Variants in ABCA8 observed in about 807,000 individuals in gnomAD.
ABCA8 encodes ABC-type organic anion transporter ABCA8.
ABCA8 carries 177 observed loss-of-function variants against 192.3 expected under a neutral mutation model. The ratio of observed to expected loss-of-function variants is 0.92; its 90% CI spans 0.81 to 1.04. ABCA8 has a LOEUF of 1.04. ABCA8 is among the 50% of genes least tolerant of loss of function. ABCA8 has a pLI of 0.00. For missense variants in ABCA8, 1,915 were observed against 1,904.8 expected, an observed-to-expected ratio of 1.01 and a Z score of -0.10; for synonymous variants, 642 against 690.2, an observed-to-expected ratio of 0.93 and a Z score of 1.09.
At chr17:68,901,917 C>A (rs80000154) in intron 21 of ABCA8, among the ~76,000 whole-genome samples, 1 of 151,758 alleles carries the variant, frequency 6.6e-6, no homozygotes, top group Non-Finnish European at 1.5e-5. Context: ...ATAGTTACCA[C>A]GTGACCCAAC....
chr17:68,898,860 GTTA>G (rs1034191355), intron 21 of ABCA8, among the ~76,000 whole-genome samples: 9 of 151,956 alleles, frequency 5.9e-5, no homozygotes, highest in Non-Finnish European at 8.8e-5. Flanking sequence ...CCATTTTGAT[GTTA>G]TTATTACACA....
chr17:68,917,544 T>C, intron 16 of ABCA8, 93 bp from the exon 17 acceptor site: 1 of 829,606 alleles, frequency 1.2e-6, no homozygotes, highest in Non-Finnish European at 1.9e-6. Context: ...TAATCAAACT[T>C]TAATTCAGGA....
At chr17:68,919,833 G>A (rs977002462) in intron 13 of ABCA8, 1 of 162,748 alleles carries the variant, frequency 6.1e-6, no homozygotes, top group African/African-American at 2.4e-5. Context: ...CCTTCTGAAA[G>A]ATATATTTCC....
intron 27 of ABCA8, 58 bp downstream of exon 27, chr17:68,885,138 A>G: frequency 6.5e-7 from 1 of 1,549,750 alleles, no homozygotes; most frequent in Non-Finnish European, 8.7e-7. Flanking sequence ...ACATTGGGCA[A>G]AGCTTCACAA....
intron 9 of ABCA8, among the ~76,000 whole-genome samples, chr17:68,928,485 A>G (rs1217849398): frequency 6.6e-6 from 1 of 152,222 alleles, no homozygotes; most frequent in African/African-American, 2.4e-5. Flanking sequence ...CTTGTCTATG[A>G]TGTTCAAGTT....
At chr17:68,920,393 A>G (rs2067501294) in intron 13 of ABCA8, among the ~76,000 whole-genome samples, 1 of 151,886 alleles carries the variant, frequency 6.6e-6, no homozygotes, top group South Asian at 2.1e-4. Context: ...GCACCCCCAA[A>G]CCTAAAATAA....
intron 22 of ABCA8, 51 bp downstream of exon 22, chr17:68,894,829 A>G: frequency 6.4e-7 from 1 of 1,554,712 alleles, no homozygotes; most frequent in African/African-American, 1.4e-5. Flanking sequence ...GTATATTGAT[A>G]TTATGTTAGC....
In ABCA8 at chr17:68,953,584, G is replaced by C. The variant is rs142954465; in HGVS notation, c.-167+1635C>G. Among the ~76,000 whole-genome samples the C allele has an allele frequency of 2.0e-3, 308 of 152,274 alleles. 2 individuals carry two copies. The highest frequency in any genetic ancestry group is 7.1e-3 in the African/African-American group (297 of 41,554). Reference sequence around the variant, plus strand: ...GGCTGAGGGGCAGGCCTAAGTGGAAGCAGACCAAGTAAAGAGGTCAGAGAG... The same window carrying C: ...GGCTGAGGGGCAGGCCTAAGTGGAACCAGACCAAGTAAAGAGGTCAGAGAG... On this transcript the variant is annotated intron_variant, in intron 1 of 39. Coordinates refer to ENST00000586539, the MANE Select transcript of ABCA8 (RefSeq NM_001288985.2).
At chr17:68,922,373 T>A in intron 11 of ABCA8, 73 bp from the exon 12 acceptor site, 1 of 1,040,660 alleles carries the variant, frequency 9.6e-7, no homozygotes. Flanking sequence ...TAGACAGGAT[T>A]GGATAAATCT....
chr17:68,947,109 A>G (rs1230040223), intron 2 of ABCA8, among the ~76,000 whole-genome samples: 2 of 152,248 alleles, frequency 1.3e-5, no homozygotes, highest in African/African-American at 4.8e-5. Flanking sequence ...GACAAGTTTC[A>G]TGATAAATAA....
In ABCA8 at chr17:68,922,020, C is replaced by T. The variant is rs4147986; in HGVS notation, c.1501+222G>A. The stretch of plus-strand genomic sequence containing the variant: ...AATACATCTATTTCTAAAACATATT[C>T]ATTTTTTTCTAACTTTTATAAAGTA... On this transcript the variant is annotated intron_variant, in intron 12 of 39. Transcript: ENST00000586539. Among the ~76,000 whole-genome samples, 28 of 151,846 alleles carry T rather than the reference C, an allele frequency of 1.8e-4. No homozygotes were observed. In the East Asian group the frequency reaches 5.4e-3, roughly 29 times the overall value.
At chr17:68,918,982 G>A (rs1339104359) in intron 14 of ABCA8, among the ~76,000 whole-genome samples, 4 of 149,268 alleles carry the variant, frequency 2.7e-5, no homozygotes, top group East Asian at 3.9e-4. Context: ...CAAACTTTCC[G>A]GGTTTGAATG....
At chr17:68,910,960 C>T (rs1303943600) in intron 17 of ABCA8, among the ~76,000 whole-genome samples, 3 of 152,136 alleles carry the variant, frequency 2.0e-5, no homozygotes, top group African/African-American at 7.2e-5. Context: ...TTGCCACAGG[C>T]CTTGGGTGAG....
intron 21 of ABCA8, among the ~76,000 whole-genome samples, chr17:68,902,025 A>G (rs2066928371): frequency 6.6e-6 from 1 of 152,234 alleles, no homozygotes; most frequent in Non-Finnish European, 1.5e-5. Flanking sequence ...CGTAATATCC[A>G]ATTATTGGGA....
chr17:68,908,467 C>T (rs2067148002), intron 17 of ABCA8, among the ~76,000 whole-genome samples: 1 of 152,146 alleles, frequency 6.6e-6, no homozygotes, highest in Admixed American at 6.5e-5. Context: ...TTATGGAGTT[C>T]ATTGTCTAGT....
intron 21 of ABCA8, among the ~76,000 whole-genome samples, chr17:68,898,850 C>A (rs969174013): frequency 6.6e-6 from 1 of 151,916 alleles, no homozygotes; most frequent in Non-Finnish European, 1.5e-5. Context: ...TCACTCTTCC[C>A]CATTTTGATG....
chr17:68,890,778 C>G (rs534255269), intron 24 of ABCA8, among the ~76,000 whole-genome samples: 1 of 152,326 alleles, frequency 6.6e-6, no homozygotes, highest in East Asian at 1.9e-4. Context: ...CTCGGTTTCC[C>G]AAAGTGCTGA....
At chr17:68,893,155 A>G (rs992347336) in intron 23 of ABCA8, among the ~76,000 whole-genome samples, 6 of 152,200 alleles carry the variant, frequency 3.9e-5, no homozygotes, top group Non-Finnish European at 8.8e-5. Flanking sequence ...GTATTTAACA[A>G]TTAAGTTGTT....
At chr17:68,945,102 C>T (rs1264141543) in intron 2 of ABCA8, among the ~76,000 whole-genome samples, 1 of 152,022 alleles carries the variant, frequency 6.6e-6, no homozygotes, top group Admixed American at 6.6e-5. Flanking sequence ...GAGGGGGTCT[C>T]CTTTACTGCT....
Sources: gnomAD v4.1 joint callset for allele counts (sites outside exome capture counted in the v4.1 genomes callset) on GRCh38, gnomAD v4.1.1 for gene constraint, MANE v1.5 for transcripts, NCBI Gene and HGNC (gene_info 2026-07-23, HGNC 2026-07-21) for gene names.